UQCRH: variants seen among roughly 807,000 people sequenced by gnomAD.
The protein encoded by UQCRH is cytochrome b-c1 complex subunit 6, mitochondrial.
UQCRH carries 14 observed loss-of-function variants against 16.3 expected under a neutral mutation model. The observed-to-expected ratio is 0.86, with a 90% CI of 0.57 to 1.34. UQCRH has a LOEUF of 1.34. Ranked by LOEUF, UQCRH falls within the 40% of genes most tolerant of loss-of-function variation. The pLI, the probability that UQCRH is intolerant of heterozygous loss-of-function variation, is 0.00. For missense variants in UQCRH, 89 were observed against 111.9 expected (o/e 0.80, Z 0.92); for synonymous variants, 41 against 41.9 (o/e 0.98, Z 0.08).
intron 1 of UQCRH, among the ~76,000 whole-genome samples, chr1:46,305,985 C>A: frequency 6.6e-6 from 1 of 151,966 alleles, no homozygotes; most frequent in East Asian, 1.9e-4. Context: ...TTAGTAGAGA[C>A]AGGGTTTCAC....
At position 46,310,329 on chromosome 1, in the gene UQCRH, G is replaced by A; in HGVS notation, c.243+13G>A. ...GAGGGACCATTGCGTAAGTCAGTGGGAAGTCAGGAAGGGGAAAGGTTGCAA... is the reference window on the plus strand; with the variant it reads ...GAGGGACCATTGCGTAAGTCAGTGGAAAGTCAGGAAGGGGAAAGGTTGCAA... On this transcript the variant is annotated intron_variant, in intron 3 of 3. Coordinates refer to ENST00000311672, the MANE Select transcript of UQCRH (RefSeq NM_006004.4). 6.2e-6 allele frequency: 10 copies of A among 1,614,012 alleles called. No homozygotes were observed. The highest frequency in any genetic ancestry group is 8.5e-6 in the Non-Finnish European group (10 of 1,179,888).
At chr1:46,311,083 AAAAAAAT>A (rs1309655617) in intron 3 of UQCRH, among the ~76,000 whole-genome samples, 1 of 150,832 alleles carries the variant, frequency 6.6e-6, no homozygotes, top group African/African-American at 2.4e-5. Flanking sequence ...TCAAAAAAAA[AAAAAAAT>A]AATAATAATA....
intron 3 of UQCRH, among the ~76,000 whole-genome samples, chr1:46,312,385 G>A (rs574919204): frequency 3.3e-5 from 5 of 152,104 alleles, no homozygotes; most frequent in South Asian, 4.2e-4. Context: ...GATTACAGGC[G>A]TGAGCCACCG....
chr1:46,303,762 C>T lies in UQCRH; in HGVS notation c.-5C>T. The T allele has an allele frequency of 6.2e-7, 1 of 1,614,112 alleles. No individual in the cohort carries two copies. The highest frequency in any genetic ancestry group is 2.2e-5 in the East Asian group (1 of 44,870). On this transcript the variant is annotated 5_prime_UTR_variant, in exon 1 of 4. Transcript: ENST00000311672. ...CTCGTGTTGAATCTAGAACCGTAGC[C>T]AGACATGGGACTGGAGGACGAGCAA...
Position 46,311,351 on chromosome 1 carries a change from G to A in UQCRH, c.243+1035G>A, listed in dbSNP as rs553257365. Among the ~76,000 whole-genome samples the A allele has an allele frequency of 4.1e-3, 582 of 141,300 alleles. 3 individuals are homozygous for A. The highest frequency in any genetic ancestry group is 0.014 in the African/African-American group (533 of 38,024). The allele number at this position is 141,300 out of a possible 152,430, so 92.7% of individuals were successfully genotyped here. ...CGGAGGCGGAGGCGGAGGCGGAGGC[G>A]GGCGGATCACGAGGTCAGGAGATTG... On this transcript the variant is annotated intron_variant, in intron 3 of 3. Transcript: ENST00000311672.
At chr1:46,311,354 C>T (rs977918389) in intron 3 of UQCRH, among the ~76,000 whole-genome samples, 20 of 147,812 alleles carry the variant, frequency 1.4e-4, no homozygotes, top group Admixed American at 1.0e-3. Flanking sequence ...CGGAGGCGGG[C>T]GGATCACGAG....
chr1:46,313,185 AAAC>A (rs1282467428), intron 3 of UQCRH, among the ~76,000 whole-genome samples: 19 of 152,216 alleles, frequency 1.2e-4, no homozygotes, highest in African/African-American at 4.3e-4. Context: ...CAAAAAGTGG[AAAC>A]AACATAAGTG....
Position 46,309,169 on chromosome 1 carries a change from G to A in UQCRH, c.81+42G>A, listed in dbSNP as rs749386260. On this transcript the variant is annotated intron_variant, in intron 2 of 3. Transcript: ENST00000311672. ...GTTTGGAAACATCTCAGTAAAAGCAGGGTTTGAGCTTCATGAAATTCTAAG... is the reference window on the plus strand; with the variant it reads ...GTTTGGAAACATCTCAGTAAAAGCAAGGTTTGAGCTTCATGAAATTCTAAG... 32 of 1,594,482 alleles carry A rather than the reference G, an allele frequency of 2.0e-5. No individual in the cohort carries two copies. The South Asian group carries it at 3.4e-4, about 17-fold the overall frequency.
chr1:46,310,240 G>A lies in UQCRH; in HGVS notation c.167G>A (p.Arg56His), dbSNP rs767749634. 2.3e-5 allele frequency: 37 copies of A among 1,613,546 alleles called. No homozygotes were observed. The highest frequency in any genetic ancestry group is 3.3e-5 in the South Asian group (3 of 91,086). The change falls in exon 3 of 4, where the codon CGT (arginine) becomes CAT (histidine). Residue 56 changes from arginine to histidine, a missense_variant. Arg to His is a conservative substitution (Grantham distance 29, BLOSUM62 0). Coordinates refer to ENST00000311672, the MANE Select transcript of UQCRH (RefSeq NM_006004.4). ...GAGCGGCTAGAGCTCTGTGATGAGC[G>A]TGTATCCTCTCGATCACATACAGAA... ...ARERLELCDE[R>H]VSSRSHTEED...
intron 1 of UQCRH, among the ~76,000 whole-genome samples, chr1:46,308,245 A>G (rs1661409454): frequency 6.6e-6 from 1 of 152,156 alleles, no homozygotes. Context: ...GTTTATTATT[A>G]CTTAAATTTC....
Position 46,303,839 on chromosome 1 carries a change from C to T in UQCRH, c.54+19C>T, listed in dbSNP as rs1326996532. 2 of 1,614,046 alleles carry T rather than the reference C, an allele frequency of 1.2e-6. No individual in the cohort carries two copies. Among genetic ancestry groups the T allele is most frequent in the Non-Finnish European group, 1.7e-6 (2 of 1,180,024 alleles). On this transcript the variant is annotated intron_variant, in intron 1 of 3. Transcript: ENST00000311672. ...TGAGGAGGTAAGGCAAGGCGATCCA[C>T]TCGGCCCTCTTCTCTGCCCTGAAGC...
At chr1:46,309,418 A>G in intron 2 of UQCRH, 1 of 368,356 alleles carries the variant, frequency 2.7e-6, no homozygotes, top group Non-Finnish European at 4.9e-6. Context: ...TGGGCTAGGC[A>G]TGGTGGCTCG....
chr1:46,311,507 G>A (rs1215667137), intron 3 of UQCRH, among the ~76,000 whole-genome samples: 1 of 150,152 alleles, frequency 6.7e-6, no homozygotes, highest in African/African-American at 2.4e-5. Flanking sequence ...CAACCCAGGA[G>A]GCGGAGCTTG....
chr1:46,316,682 T>G lies in UQCRH; in HGVS notation c.*98T>G. 6.5e-7 allele frequency: 1 copy of G among 1,547,556 alleles called. No homozygotes were observed. Among genetic ancestry groups the G allele is most frequent in the Non-Finnish European group, 8.8e-7 (1 of 1,134,396 alleles). ...CATTTGTTTCTTATTTGTGTAACTG[T>G]AAGTTCACATGAACCTCATGGGTTT... On this transcript the variant is annotated 3_prime_UTR_variant, in exon 4 of 4. Coordinates refer to ENST00000311672, the MANE Select transcript of UQCRH (RefSeq NM_006004.4).
chr1:46,316,029 A>G (rs1459199636), intron 3 of UQCRH, among the ~76,000 whole-genome samples: 4 of 152,132 alleles, frequency 2.6e-5, no homozygotes, highest in Non-Finnish European at 4.4e-5. Flanking sequence ...TCTCAGGTAT[A>G]CCTTTCTCAG....
chr1:46,308,777 G>T (rs1444436146), intron 1 of UQCRH, among the ~76,000 whole-genome samples: 1 of 152,228 alleles, frequency 6.6e-6, no homozygotes, highest in Non-Finnish European at 1.5e-5. Flanking sequence ...GGAGTTTGTG[G>T]CTGCAGTGAG....
At chr1:46,304,913 C>T (rs1661337787) in intron 1 of UQCRH, among the ~76,000 whole-genome samples, 1 of 152,166 alleles carries the variant, frequency 6.6e-6, no homozygotes, top group Non-Finnish European at 1.5e-5. Context: ...ATTTCCTGTC[C>T]GTCTGTTCTC....
At chr1:46,313,073 CACAGCAATT>C (rs1661509183) in intron 3 of UQCRH, among the ~76,000 whole-genome samples, 4 of 152,120 alleles carry the variant, frequency 2.6e-5, no homozygotes, top group Non-Finnish European at 5.9e-5. Flanking sequence ...TAATATATGA[CACAGCAATT>C]ACACTCGAAG....
chr1:46,309,127 G>T lies in UQCRH; in HGVS notation c.81G>T (p.Val27=). 1 of 1,612,176 alleles carries T rather than the reference G, an allele frequency of 6.2e-7. No homozygotes were observed. Among genetic ancestry groups the T allele is most frequent in the African/African-American group, 1.3e-5 (1 of 74,930 alleles). ...EEEEEEEEEL[V]DPLTTVREQC... ...AGGAAGAGGAAGAGGAGGAATTAGT[G>T]GTAAGAACTGTCTCAGGTTTGGAAA... Residue 27 remains valine (V), a splice_region_variant and synonymous_variant, in exon 2 of 4, where the codon GTG becomes GTT. Coordinates refer to ENST00000311672, the MANE Select transcript of UQCRH (RefSeq NM_006004.4).
Sources: gnomAD v4.1 joint callset for allele counts (sites outside exome capture counted in the v4.1 genomes callset) on GRCh38, gnomAD v4.1.1 for gene constraint, MANE v1.5 for transcripts, NCBI Gene and HGNC (gene_info 2026-07-23, HGNC 2026-07-21) for gene names.